Variants in SLC16A10 observed in about 807,000 individuals in gnomAD.
SLC16A10 encodes the protein solute carrier family 16 member 10.
SLC16A10 carries 27 observed loss-of-function variants against 40.0 expected under a neutral mutation model. The observed-to-expected ratio is 0.67, with a 90% CI of 0.50 to 0.93. The LOEUF (loss-of-function observed/expected upper bound fraction) is 0.93. SLC16A10 is among the 40% of genes least tolerant of loss of function. The pLI, the probability that SLC16A10 is intolerant of heterozygous loss-of-function variation, is 0.00. For missense variants in SLC16A10, 529 were observed against 658.2 expected (o/e 0.80, Z 2.15); for synonymous variants, 213 against 249.8 (o/e 0.85, Z 1.39).
At chr6:111,100,590 T>C (rs952546070) in intron 1 of SLC16A10, among the ~76,000 whole-genome samples, 1 of 152,150 alleles carries the variant, frequency 6.6e-6, no homozygotes, top group African/African-American at 2.4e-5. Flanking sequence ...GGTTTCACCA[T>C]GTTAGCCAGG....
chr6:111,158,472 A>G (rs1164557274), intron 1 of SLC16A10, among the ~76,000 whole-genome samples: 1 of 152,136 alleles, frequency 6.6e-6, no homozygotes, highest in South Asian at 2.1e-4. Context: ...TGTGCAACCT[A>G]GATCCCCTGC....
chr6:111,121,287 A>G (rs554626225), intron 1 of SLC16A10, among the ~76,000 whole-genome samples: 1 of 152,206 alleles, frequency 6.6e-6, no homozygotes. Context: ...TGTGGCCGGC[A>G]ACGGTGGCTC....
intron 3 of SLC16A10, among the ~76,000 whole-genome samples, chr6:111,185,220 A>G (rs1295520746): frequency 6.6e-6 from 1 of 152,248 alleles, no homozygotes; most frequent in Non-Finnish European, 1.5e-5. Flanking sequence ...CATTATGCTT[A>G]AAGCTGGGAT....
chr6:111,178,555 A>AG, intron 3 of SLC16A10: 2 of 364,598 alleles, frequency 5.5e-6, no homozygotes, highest in South Asian at 4.2e-5. Context: ...TACCTGGGGA[A>AG]GGAAAAAAAA....
At chr6:111,191,306 G>T (rs1375101947) in intron 3 of SLC16A10, among the ~76,000 whole-genome samples, 2 of 152,258 alleles carry the variant, frequency 1.3e-5, no homozygotes, top group South Asian at 2.1e-4. Context: ...TCCTGAGAAT[G>T]ATGGTTTCCA....
chr6:111,210,678 A>G (rs1418164705), intron 4 of SLC16A10, among the ~76,000 whole-genome samples: 1 of 152,098 alleles, frequency 6.6e-6, no homozygotes, highest in Non-Finnish European at 1.5e-5. Flanking sequence ...AAGGGACTGG[A>G]AAGTTAGAGT....
chr6:111,088,208 G>T (rs1770905889), intron 1 of SLC16A10, 113 bp downstream of exon 1: 3 of 1,080,268 alleles, frequency 2.8e-6, no homozygotes, highest in Non-Finnish European at 4.0e-6. Context: ...GGGTCCCTGT[G>T]CCAGAGGGTG....
chr6:111,181,775 A>T (rs1049172758), intron 3 of SLC16A10, among the ~76,000 whole-genome samples: 3 of 152,160 alleles, frequency 2.0e-5, no homozygotes, highest in East Asian at 3.9e-4. Flanking sequence ...GAAGAATTAG[A>T]TTGCCTCCTC....
At position 111,208,191 on chromosome 6, in the gene SLC16A10, C is replaced by T. The variant is rs536292069; in HGVS notation, c.1086+1456C>T. Reference sequence around the variant, plus strand: ...ACAGGGTTTCGCTGTGTTGCCCAGGCTGGTCTCGAACTCCTGGACTCCAAC... The same window carrying T: ...ACAGGGTTTCGCTGTGTTGCCCAGGTTGGTCTCGAACTCCTGGACTCCAAC... On this transcript the variant is annotated intron_variant, in intron 4 of 5. Transcript: ENST00000368851. 6.6e-5 allele frequency among the ~76,000 whole-genome samples: 10 copies of T among 152,178 alleles called. No homozygotes were observed. The East Asian group carries it at 1.9e-3, about 29-fold the overall frequency.
intron 4 of SLC16A10, among the ~76,000 whole-genome samples, chr6:111,210,522 G>T (rs895882252): frequency 6.6e-6 from 1 of 152,176 alleles, no homozygotes; most frequent in African/African-American, 2.4e-5. Flanking sequence ...AAAATTGAGT[G>T]CCTCCTGTGC....
intron 4 of SLC16A10, among the ~76,000 whole-genome samples, chr6:111,210,625 G>A (rs769667405): frequency 3.9e-5 from 6 of 152,136 alleles, no homozygotes; most frequent in South Asian, 2.1e-4. Context: ...GGAAGAAGCC[G>A]AATGTGTGTG....
intron 3 of SLC16A10, among the ~76,000 whole-genome samples, chr6:111,200,150 C>T (rs1773145650): frequency 6.6e-6 from 1 of 152,174 alleles, no homozygotes; most frequent in Non-Finnish European, 1.5e-5. Flanking sequence ...TGCTCTCCAC[C>T]TGGTCAGCTG....
chr6:111,167,681 G>C (rs1410872772), intron 1 of SLC16A10, among the ~76,000 whole-genome samples: 1 of 151,780 alleles, frequency 6.6e-6, no homozygotes, highest in Non-Finnish European at 1.5e-5. Context: ...GAGAGAGAAA[G>C]AGAGAGAGAC....
chr6:111,172,605 A>ATT (rs1199936084), intron 1 of SLC16A10, 90 bp from the exon 2 acceptor site: 1 of 1,460,650 alleles, frequency 6.8e-7, no homozygotes, highest in Non-Finnish European at 9.1e-7. Context: ...TAAAAATAAA[A>ATT]TTTTTCTAAA....
chr6:111,220,750 C>A (rs1275288187), intron 5 of SLC16A10, among the ~76,000 whole-genome samples: 40 of 152,224 alleles, frequency 2.6e-4, no homozygotes, highest in Admixed American at 2.6e-3. Context: ...AAGCAGCACT[C>A]TAGTAGTAAA....
chr6:111,127,680 G>A (rs981258629), intron 1 of SLC16A10, among the ~76,000 whole-genome samples: 1 of 152,164 alleles, frequency 6.6e-6, no homozygotes, highest in Non-Finnish European at 1.5e-5. Context: ...TCTGATCATT[G>A]GATGATATTT....
intron 4 of SLC16A10, among the ~76,000 whole-genome samples, chr6:111,218,212 A>G (rs1770808065): frequency 6.6e-6 from 1 of 152,182 alleles, no homozygotes; most frequent in South Asian, 2.1e-4. Flanking sequence ...ATCTAGTCCA[A>G]AGATGAATTT....
intron 1 of SLC16A10, among the ~76,000 whole-genome samples, chr6:111,121,576 A>G (rs1398975529): frequency 6.6e-6 from 1 of 152,046 alleles, no homozygotes; most frequent in East Asian, 1.9e-4. Context: ...AACAAAAGAG[A>G]TTGTATTGTG....
intron 1 of SLC16A10, among the ~76,000 whole-genome samples, chr6:111,158,336 C>T (rs11153272): frequency 0.48 from 72,570 of 151,960 alleles, 18,085 homozygotes; most frequent in East Asian, 0.67. Context: ...GATCGTCAGT[C>T]CCCAGACTTT....
Sources: allele counts gnomAD v4.1 joint callset (sites outside exome capture counted in the v4.1 genomes callset), GRCh38; gene constraint gnomAD v4.1.1; transcripts MANE v1.5; gene names NCBI Gene and HGNC (gene_info 2026-07-23, HGNC 2026-07-21).